Variants in FNIP1 observed in about 807,000 individuals in gnomAD.
The protein encoded by FNIP1 is folliculin-interacting protein 1.
In FNIP1, 40 loss-of-function variants were observed where a neutral mutation model predicts 124.5. The observed-to-expected ratio is 0.32, with a 90% CI of 0.25 to 0.42. The LOEUF is 0.42. FNIP1 is among the 10% of genes least tolerant of loss of function. The pLI is 1.00. For synonymous variants in FNIP1, 472 were observed against 470.6 expected (o/e 1.00, Z -0.04); for missense variants, 1,176 against 1,403.7 (o/e 0.84, Z 2.59).
chr5:131,690,322 C>T (rs567301674), intron 11 of FNIP1, among the ~76,000 whole-genome samples: 1 of 152,062 alleles, frequency 6.6e-6, no homozygotes, highest in African/African-American at 2.4e-5. Flanking sequence ...CTGGAATAAC[C>T]GATAAGGTTA....
At chr5:131,740,083 T>C (rs1192834628) in intron 2 of FNIP1, among the ~76,000 whole-genome samples, 1 of 152,232 alleles carries the variant, frequency 6.6e-6, no homozygotes, top group Non-Finnish European at 1.5e-5. Context: ...CATTGACTAC[T>C]GCCATGGAAT....
Position 131,706,541 on chromosome 5 carries a change from G to C in FNIP1, c.784C>G (p.Leu262Val). 6.3e-7 allele frequency: 1 copy of C among 1,589,376 alleles called. No individual in the cohort carries two copies. The highest frequency in any genetic ancestry group is 2.3e-5 in the East Asian group (1 of 44,148). The stretch of plus-strand genomic sequence containing the variant: ...AATGGAGTGATCAGCAAGCTGCTGA[G>C]AGATGCTGTTAAGTCAGAAGAACAA... ...RDSGIARSAS[L>V]SSLLITPFPS... Residue 262 changes from leucine to valine, a missense_variant, in exon 9 of 18, where the codon CTC becomes GTC. Physicochemically the swap from Leu to Val is conservative, Grantham distance 32 (BLOSUM62 1). Around this residue, in one of 2 missense-constraint regions of FNIP1, gnomAD observed 1,109 missense variants for 1,288.5 expected, o/e 0.86. Transcript: ENST00000510461.
intron 1 of FNIP1, among the ~76,000 whole-genome samples, chr5:131,753,951 C>A (rs1770963724): frequency 6.6e-6 from 1 of 152,044 alleles, no homozygotes. Context: ...GTAGCTGGGA[C>A]TACAGGCACA....
At chr5:131,656,495 A>C (rs748208933) in intron 15 of FNIP1, among the ~76,000 whole-genome samples, 1 of 152,168 alleles carries the variant, frequency 6.6e-6, no homozygotes, top group Non-Finnish European at 1.5e-5. Flanking sequence ...CTAACTAAAG[A>C]CTCTAATATT....
chr5:131,709,252 T>C lies in FNIP1; in HGVS notation c.727A>G (p.Met243Val), dbSNP rs746965636. The change falls in exon 8 of 18, where the codon ATG becomes GTG. Residue 243 changes from methionine to valine, a missense_variant. By Grantham distance (21) the Met-to-Val change is conservative (BLOSUM62 1). Transcript: ENST00000510461. The part of the protein sequence containing the change: ...FFAVHSNPMD[M>V]PGRELNEDRD... ...TCCTCATTGAGCTCTCTTCCAGGCA[T>C]GTCCATTGGGTTGCTGTGAACTATA... 1.2e-6 allele frequency: 2 copies of C among 1,614,096 alleles called. No individual in the cohort carries two copies. Among genetic ancestry groups the C allele is most frequent in the Non-Finnish European group, 1.7e-6 (2 of 1,179,938 alleles).
At chr5:131,698,014 G>T (rs962779545) in intron 11 of FNIP1, among the ~76,000 whole-genome samples, 7 of 150,562 alleles carry the variant, frequency 4.6e-5, no homozygotes, top group African/African-American at 1.5e-4. Context: ...AGAAAAGAAT[G>T]GTGCCACTAA....
intron 3 of FNIP1, among the ~76,000 whole-genome samples, chr5:131,726,749 G>A (rs1370912287): frequency 6.6e-6 from 1 of 152,086 alleles, no homozygotes. Context: ...TTTTAATTAT[G>A]ATGTTAGGGT....
At chr5:131,700,402 CAA>C (rs1580766878) in intron 10 of FNIP1, among the ~76,000 whole-genome samples, 2 of 151,988 alleles carry the variant, frequency 1.3e-5, no homozygotes, top group African/African-American at 4.8e-5. Flanking sequence ...AACACTTTTT[CAA>C]AGAGAATTGA....
chr5:131,699,376 A>G (rs968999827), intron 10 of FNIP1, among the ~76,000 whole-genome samples: 3 of 151,550 alleles, frequency 2.0e-5, no homozygotes, highest in African/African-American at 4.8e-5. Flanking sequence ...TATTTCACAG[A>G]TAACACTTCT....
At chr5:131,657,266 TGC>T (rs1266598059) in intron 15 of FNIP1, among the ~76,000 whole-genome samples, 7 of 152,086 alleles carry the variant, frequency 4.6e-5, no homozygotes, top group Admixed American at 3.9e-4. Flanking sequence ...CCTCCTAAGG[TGC>T]TGGGATTACA....
chr5:131,684,401 T>C (rs1345538345), intron 11 of FNIP1, among the ~76,000 whole-genome samples: 2 of 152,238 alleles, frequency 1.3e-5, no homozygotes, highest in Non-Finnish European at 2.9e-5. Flanking sequence ...ATATCAATTG[T>C]ATATGTGAAA....
intron 10 of FNIP1, among the ~76,000 whole-genome samples, chr5:131,701,866 G>A (rs901646837): frequency 9.9e-5 from 15 of 152,146 alleles, no homozygotes; most frequent in African/African-American, 3.6e-4. Flanking sequence ...TGGCAAGCAC[G>A]CTACATTTTT....
At chr5:131,750,021 T>C (rs965710827) in intron 1 of FNIP1, among the ~76,000 whole-genome samples, 3 of 152,212 alleles carry the variant, frequency 2.0e-5, no homozygotes, top group African/African-American at 2.4e-5. Context: ...GGCAATGCTG[T>C]ACATCTACAT....
intron 13 of FNIP1, among the ~76,000 whole-genome samples, chr5:131,677,030 T>C (rs1767932142): frequency 6.6e-6 from 1 of 152,198 alleles, no homozygotes; most frequent in Non-Finnish European, 1.5e-5. Flanking sequence ...GCAGCTACGT[T>C]TACGAGACAC....
chr5:131,681,225 C>A (rs1768067079), intron 11 of FNIP1, among the ~76,000 whole-genome samples: 1 of 151,966 alleles, frequency 6.6e-6, no homozygotes, highest in African/African-American at 2.4e-5. Context: ...AGTGTTAAAT[C>A]TTCATGGGAT....
chr5:131,659,263 A>T (rs1350565540), intron 15 of FNIP1, among the ~76,000 whole-genome samples: 1 of 152,198 alleles, frequency 6.6e-6, no homozygotes, highest in Non-Finnish European at 1.5e-5. Context: ...TGTCCATGTC[A>T]CATTTCATGA....
intron 1 of FNIP1, among the ~76,000 whole-genome samples, chr5:131,767,854 A>G (rs1310369402): frequency 6.6e-6 from 1 of 152,214 alleles, no homozygotes. Flanking sequence ...AATCTTGATT[A>G]ATATTTATAT....
At chr5:131,709,699 A>G (rs114289626) in intron 7 of FNIP1, among the ~76,000 whole-genome samples, 6,054 of 152,262 alleles carry the variant, frequency 0.04, 182 homozygotes, top group Non-Finnish European at 0.062. Flanking sequence ...AAATTGAGAT[A>G]TTTATTTGAA....
At chr5:131,742,442 G>A (rs1005007443) in intron 2 of FNIP1, among the ~76,000 whole-genome samples, 6 of 152,214 alleles carry the variant, frequency 3.9e-5, no homozygotes, top group East Asian at 1.9e-4. Context: ...CAGCCTGGGC[G>A]AGAGAGCGAG....
Sources: allele counts gnomAD v4.1 joint callset (sites outside exome capture counted in the v4.1 genomes callset), GRCh38; gene constraint gnomAD v4.1.1; regional missense constraint gnomAD v4.1.1; transcripts MANE v1.5; gene names NCBI Gene and HGNC (gene_info 2026-07-23, HGNC 2026-07-21).